The following PNPLA1 variants were observed in gnomAD, a reference collection of about 807,000 sequenced individuals.
The protein encoded by PNPLA1 is patatin like domain 1, omega-hydroxyceramide transacylase, also known as omega-hydroxyceramide transacylase.
In PNPLA1, 36 loss-of-function variants were observed where a neutral mutation model predicts 51.7. The ratio of observed to expected loss-of-function variants is 0.70; its 90% CI spans 0.53 to 0.92. The LOEUF (loss-of-function observed/expected upper bound fraction) is 0.92, where lower values mean the gene tolerates loss of function less well. Ranked by LOEUF, PNPLA1 falls within the 40% of genes least tolerant of loss-of-function variation. PNPLA1 has a pLI of 0.00. For missense variants in PNPLA1, 658 were observed against 682.5 expected (o/e 0.96, Z 0.40); for synonymous variants, 293 against 280.1 (o/e 1.05, Z -0.46).
intron 1 of PNPLA1, among the ~76,000 whole-genome samples, chr6:36,282,100 G>GAAAGAA (rs1770317725): frequency 2.6e-5 from 1 of 39,016 alleles, no homozygotes; most frequent in Non-Finnish European, 5.4e-5. Context: ...AAGGAAGGAA[G>GAAAGAA]GAAGGAAGGA....
intron 1 of PNPLA1, among the ~76,000 whole-genome samples, chr6:36,281,037 C>G (rs1170400644): frequency 6.6e-6 from 1 of 152,212 alleles, no homozygotes; most frequent in African/African-American, 2.4e-5. Context: ...AATCAATCCG[C>G]CTGCCTCCGG....
At chr6:36,283,546 G>C (rs753362581) in intron 1 of PNPLA1, among the ~76,000 whole-genome samples, 1 of 152,156 alleles carries the variant, frequency 6.6e-6, no homozygotes, top group Non-Finnish European at 1.5e-5. Context: ...TGTAGCCCCA[G>C]CTACTCAGGA....
intron 1 of PNPLA1, among the ~76,000 whole-genome samples, chr6:36,247,037 G>A (rs764374182): frequency 2.0e-5 from 3 of 152,088 alleles, no homozygotes; most frequent in Non-Finnish European, 4.4e-5. Flanking sequence ...CCCCTGCCTG[G>A]TGGTTTCACC....
At chr6:36,291,203 T>G (rs942186555) in intron 1 of PNPLA1, 117 bp from the exon 2 acceptor site, 1 of 742,472 alleles carries the variant, frequency 1.3e-6, no homozygotes, top group African/African-American at 1.8e-5. Flanking sequence ...GCTTCCGAAT[T>G]CTAGGTTTCC....
At chr6:36,259,613 C>A (rs1277619792) in intron 1 of PNPLA1, among the ~76,000 whole-genome samples, 2 of 151,882 alleles carry the variant, frequency 1.3e-5, no homozygotes, top group African/African-American at 4.8e-5. Flanking sequence ...AAAAAAAACA[C>A]TGTGAGAACC....
At chr6:36,305,027 C>T (rs2127354399) in intron 6 of PNPLA1, among the ~76,000 whole-genome samples, 1 of 152,310 alleles carries the variant, frequency 6.6e-6, no homozygotes, top group Non-Finnish European at 1.5e-5. Context: ...CATGTTATAG[C>T]TTACAGCTGA....
At chr6:36,287,613 T>C (rs114397611) in intron 1 of PNPLA1, among the ~76,000 whole-genome samples, 3,361 of 152,292 alleles carry the variant, frequency 0.022, 124 homozygotes, top group African/African-American at 0.071. Context: ...CAGCAATTGC[T>C]GTGCTTAACA....
rs151012701 is a variant in PNPLA1 at position 36,286,370 on chromosome 6, C to T, written c.206-4950C>T. Among the ~76,000 whole-genome samples the T allele has an allele frequency of 1.6e-3, 245 of 152,268 alleles. 1 individual carries two copies. Among genetic ancestry groups the T allele is most frequent in the African/African-American group, 5.5e-3 (230 of 41,558 alleles). ...CAGTGGCTCATGCCTGTAATCCCCA[C>T]ACTTTGGGAGGCTGAGATGGGAGGA... On this transcript the variant is annotated intron_variant, in intron 1 of 8. Transcript: ENST00000636260.
intron 1 of PNPLA1, among the ~76,000 whole-genome samples, chr6:36,245,750 A>T (rs1769261095): frequency 6.6e-6 from 1 of 152,176 alleles, no homozygotes; most frequent in African/African-American, 2.4e-5. Context: ...ACCTGGCAGG[A>T]ACCGTCATCC....
chr6:36,243,459 G>A (rs868281617), intron 1 of PNPLA1, among the ~76,000 whole-genome samples: 1 of 152,174 alleles, frequency 6.6e-6, no homozygotes. Context: ...CCTGAGAGGT[G>A]GCAAGAGCTC....
intron 1 of PNPLA1, among the ~76,000 whole-genome samples, chr6:36,243,706 G>A (rs929980718): frequency 6.6e-6 from 1 of 152,110 alleles, no homozygotes; most frequent in African/African-American, 2.4e-5. Flanking sequence ...GGCTGGTATC[G>A]CATTTGACTC....
intron 1 of PNPLA1, among the ~76,000 whole-genome samples, chr6:36,284,349 G>C (rs1770411497): frequency 6.6e-6 from 1 of 152,188 alleles, no homozygotes; most frequent in African/African-American, 2.4e-5. Flanking sequence ...TGTTTTGTTT[G>C]GTTTGGTTTG....
rs536498756 is a variant in PNPLA1, at chr6:36,312,396, C to T, written c.*510C>T. 6.6e-6 allele frequency among the ~76,000 whole-genome samples: 1 copy of T among 152,320 alleles called. No homozygotes were observed. The highest frequency in any genetic ancestry group is 2.1e-4 in the South Asian group (1 of 4,826). ...AAAGACCCCTGTGTAATGAAATGAA[C>T]CCCCTAACTGGCTTTTGGTGTAGCT... is the stretch of plus-strand genomic sequence containing the variant. On this transcript the variant is annotated 3_prime_UTR_variant, in exon 9 of 9. Coordinates refer to ENST00000636260, the MANE Select transcript of PNPLA1 (RefSeq NM_001374623.1).
intron 1 of PNPLA1, among the ~76,000 whole-genome samples, chr6:36,256,416 G>A (rs1217379002): frequency 6.6e-6 from 1 of 151,878 alleles, no homozygotes; most frequent in East Asian, 1.9e-4. Flanking sequence ...TATCACTTAT[G>A]ATGCTCTAAG....
chr6:36,283,605 G>A (rs761282029), intron 1 of PNPLA1, among the ~76,000 whole-genome samples: 1 of 151,874 alleles, frequency 6.6e-6, no homozygotes, highest in African/African-American at 2.4e-5. Context: ...GTCCAGCCTG[G>A]GCAATGTAGT....
At position 36,291,400 on chromosome 6, in the gene PNPLA1, A is replaced by T. The variant is rs755436533; in HGVS notation, c.286A>T (p.Met96Leu). The stretch of plus-strand genomic sequence containing the variant: ...GGGGCCCTTGTCCCCGTCCTGTAAG[A>T]TGGTGCAGATGATGAGGCAGTTTCT... ...FLGPLSPSCK[M>L]VQMMRQFLYR... The change falls in exon 2 of 9, where the codon ATG becomes TTG. Residue 96 changes from methionine to leucine, a missense_variant. By Grantham distance (15) the Met-to-Leu change is conservative (BLOSUM62 2). Coordinates refer to ENST00000636260, the MANE Select transcript of PNPLA1 (RefSeq NM_001374623.1). 3 of 1,614,034 alleles carry T rather than the reference A, an allele frequency of 1.9e-6. No homozygotes were observed. The highest frequency in any genetic ancestry group is 2.2e-5 in the East Asian group (1 of 44,864).
At chr6:36,251,697 G>A (rs1397671848) in intron 1 of PNPLA1, among the ~76,000 whole-genome samples, 1 of 152,112 alleles carries the variant, frequency 6.6e-6, no homozygotes, top group Non-Finnish European at 1.5e-5. Flanking sequence ...CAGCATCTTG[G>A]GAGGCAGAGG....
intron 8 of PNPLA1, among the ~76,000 whole-genome samples, 152 bp from the exon 9 acceptor site, chr6:36,311,611 C>T (rs776528941): frequency 4.6e-5 from 7 of 152,202 alleles, no homozygotes; most frequent in African/African-American, 7.2e-5. Context: ...TCTCTGGGCT[C>T]GGCAAGTGTC....
chr6:36,294,156 C>G lies in PNPLA1; in HGVS notation c.505-34C>G. On this transcript the variant is annotated intron_variant, in intron 3 of 8. Transcript: ENST00000636260. The surrounding 1 kb of genome is among the most constrained non-coding windows in gnomAD (Gnocchi z 4.2). ...CCCCGAGTGGGGCTGAGAACTCTGG[C>G]CCCAAGTGGGCATTTCTCACTCTGC... 6.2e-7 allele frequency: 1 copy of G among 1,610,716 alleles called. No individual in the cohort carries two copies. The highest frequency in any genetic ancestry group is 1.7e-5 in the Admixed American group (1 of 59,848).
Sources: gnomAD v4.1 joint callset for allele counts (sites outside exome capture counted in the v4.1 genomes callset) on GRCh38, gnomAD v4.1.1 for gene constraint, Gnocchi (gnomAD v3.1) non-coding constraint, MANE v1.5 for transcripts, NCBI Gene and HGNC (gene_info 2026-07-23, HGNC 2026-07-21) for gene names.